PIK3R5: variants seen among roughly 807,000 people sequenced by gnomAD.
The protein encoded by PIK3R5 is phosphoinositide 3-kinase regulatory subunit 5.
PIK3R5 carries 32 observed loss-of-function variants against 94.9 expected under a neutral mutation model. The ratio of observed to expected loss-of-function variants is 0.34; its 90% confidence interval spans 0.25 to 0.45. The LOEUF (loss-of-function observed/expected upper bound fraction) is 0.45. Ranked by LOEUF, PIK3R5 falls within the 20% of genes least tolerant of loss-of-function variation. The pLI, the probability that PIK3R5 is intolerant of heterozygous loss-of-function variation, is 1.00. For missense variants in PIK3R5, 853 were observed against 1,144.6 expected, an observed-to-expected ratio of 0.75 and a Z score of 3.68; for synonymous variants, 443 against 479.4, an observed-to-expected ratio of 0.92 and a Z score of 0.99.
At chr17:8,885,953 G>A (rs1365314388) in intron 14 of PIK3R5, among the ~76,000 whole-genome samples, 2 of 148,674 alleles carry the variant, frequency 1.3e-5, no homozygotes, top group African/African-American at 5.0e-5. Flanking sequence ...CTGCCTCCTA[G>A]GTAACCCCGC....
At chr17:8,895,197 C>G (rs549100038) in intron 5 of PIK3R5, among the ~76,000 whole-genome samples, 48 of 152,304 alleles carry the variant, frequency 3.2e-4, no homozygotes, top group African/African-American at 1.1e-3. Flanking sequence ...AATACCATAG[C>G]TACCATAGCG....
chr17:8,905,685 T>C lies in PIK3R5; in HGVS notation c.257A>G (p.Tyr86Cys). ...DLLTPLALLF[Y>C]STVLCTPHFP... ...TGGACTTACACAAAGAACAGTGGAATAGAAGAGCAGGGCCAGCGGGGTGAG... is the reference window on the plus strand; with the variant it reads ...TGGACTTACACAAAGAACAGTGGAACAGAAGAGCAGGGCCAGCGGGGTGAG... Residue 86 changes from tyrosine (Y) to cysteine (C), a missense_variant, in exon 4 of 19, where the codon TAT becomes TGT. Coordinates refer to ENST00000447110, the MANE Select transcript of PIK3R5 (RefSeq NM_001142633.3). 2 of 1,605,664 alleles carry C rather than the reference T, an allele frequency of 1.2e-6. No homozygotes were observed. The highest frequency in any genetic ancestry group is 1.7e-6 in the Non-Finnish European group (2 of 1,176,172).
chr17:8,951,338 C>T (rs947369508), intron 1 of PIK3R5, among the ~76,000 whole-genome samples: 8 of 152,210 alleles, frequency 5.3e-5, no homozygotes, highest in Admixed American at 1.3e-4. Context: ...ACCATCCCCA[C>T]CATCCATTCA....
intron 1 of PIK3R5, among the ~76,000 whole-genome samples, chr17:8,934,271 A>G (rs776885339): frequency 2.0e-5 from 3 of 152,264 alleles, no homozygotes; most frequent in Non-Finnish European, 2.9e-5. Flanking sequence ...TTGTACTTCT[A>G]CATATTAATA....
intron 1 of PIK3R5, among the ~76,000 whole-genome samples, chr17:8,965,219 G>A (rs2091647384): frequency 6.6e-6 from 1 of 152,230 alleles, no homozygotes. Flanking sequence ...GAGCCCTGAT[G>A]CCCACGCTCA....
chr17:8,886,406 C>T, intron 13 of PIK3R5, 71 bp downstream of exon 13: 1 of 1,602,712 alleles, frequency 6.2e-7, no homozygotes, highest in Non-Finnish European at 8.5e-7. Context: ...TGCTGGCTCT[C>T]CCGGGGCAGG....
chr17:8,929,512 C>T (rs893625272), intron 1 of PIK3R5, among the ~76,000 whole-genome samples: 1 of 152,108 alleles, frequency 6.6e-6, no homozygotes, highest in African/African-American at 2.4e-5. Flanking sequence ...ACACAGCAAA[C>T]CTAAATGTGT....
chr17:8,925,384 T>TAGATAGTAGATGGAG lies in PIK3R5; in HGVS notation c.-13-13892_-13-13878dup, dbSNP rs1309447173. On this transcript the variant is annotated intron_variant, in intron 1 of 18. Coordinates refer to ENST00000447110, the MANE Select transcript of PIK3R5 (RefSeq NM_001142633.3). This position sits in a 1 kb window ranked among gnomAD's most constrained non-coding sequence, Gnocchi z 5.1. ...GATAGATAGTAGATGGATAGATAGA[T>TAGATAGTAGATGGAG]AGATAGTAGATGGAGAGATAGTAGA... Among the ~76,000 whole-genome samples, 2 of 150,386 alleles carry TAGATAGTAGATGGAG rather than the reference T, an allele frequency of 1.3e-5. No homozygotes were observed. Among genetic ancestry groups the TAGATAGTAGATGGAG allele is most frequent in the African/African-American group, 4.9e-5 (2 of 40,662 alleles).
At position 8,934,583 on chromosome 17, in the gene PIK3R5, C is replaced by T. The variant is rs955509669; in HGVS notation, c.-13-23076G>A. On this transcript the variant is annotated intron_variant, in intron 1 of 18. Transcript: ENST00000447110. Reference sequence around the variant, plus strand: ...AACATGCCTTCGGTATATGGAAATACCAAAGACTTAAAATAGCTAATACAG... The same window carrying T: ...AACATGCCTTCGGTATATGGAAATATCAAAGACTTAAAATAGCTAATACAG... Among the ~76,000 whole-genome samples, 10 of 152,196 alleles carry T rather than the reference C, an allele frequency of 6.6e-5. No individual in the cohort carries two copies. The Middle Eastern group carries it at 0.01, about 155-fold the overall frequency.
chr17:8,933,943 T>G (rs1004611060), intron 1 of PIK3R5, among the ~76,000 whole-genome samples: 3 of 152,238 alleles, frequency 2.0e-5, no homozygotes, highest in African/African-American at 7.2e-5. Context: ...AAGAGGGAAC[T>G]GCTCAAACTT....
intron 5 of PIK3R5, among the ~76,000 whole-genome samples, chr17:8,894,411 C>G (rs369322398): frequency 1.3e-5 from 2 of 152,114 alleles, no homozygotes; most frequent in Non-Finnish European, 2.9e-5. Flanking sequence ...TTCGAGTTTC[C>G]CCACCTGCAC....
Position 8,893,986 on chromosome 17 carries a change from T to A in PIK3R5, c.413-331A>T. 4.9e-6 allele frequency: 1 copy of A among 205,054 alleles called. No homozygotes were observed. Among genetic ancestry groups the A allele is most frequent in the Non-Finnish European group, 1.0e-5 (1 of 100,150 alleles). The allele number at this position is 205,054 out of a possible 1,614,324, so 12.7% of individuals were successfully genotyped here. The stretch of plus-strand genomic sequence containing the variant: ...CTCCCCTTGTGGCTCAGGTCCCGGC[T>A]CCAGGCTTGGAGGCAGCCTAGCTGG... On this transcript the variant is annotated intron_variant, in intron 5 of 18. Transcript: ENST00000447110. This position sits in a 1 kb window ranked among gnomAD's most constrained non-coding sequence, Gnocchi z 5.1.
intron 1 of PIK3R5, among the ~76,000 whole-genome samples, chr17:8,958,718 A>T (rs1165191546): frequency 6.6e-6 from 1 of 151,116 alleles, no homozygotes; most frequent in Non-Finnish European, 1.5e-5. Flanking sequence ...GACTGTTTAT[A>T]TTCATGTGTG....
In PIK3R5 at chr17:8,892,339, A is replaced by G. The variant is rs1031959802; in HGVS notation, c.482+1247T>C. Among the ~76,000 whole-genome samples, 9 of 152,194 alleles carry G rather than the reference A, an allele frequency of 5.9e-5. No individual in the cohort carries two copies. The highest frequency in any genetic ancestry group is 5.9e-4 in the Admixed American group (9 of 15,276). On this transcript the variant is annotated intron_variant, in intron 6 of 18. Transcript: ENST00000447110. This position sits in a 1 kb window ranked among gnomAD's most constrained non-coding sequence, Gnocchi z 4.3. ...CCCCTTACAACCTTGTAACGAGCCC[A>G]GCCGAGCCCCTGCCCTCACCAGCTT...
In PIK3R5 at chr17:8,892,844, C is replaced by T. The variant is rs905340041; in HGVS notation, c.482+742G>A. On this transcript the variant is annotated intron_variant, in intron 6 of 18. Transcript: ENST00000447110. This position sits in a 1 kb window ranked among gnomAD's most constrained non-coding sequence, Gnocchi z 4.3. The stretch of plus-strand genomic sequence containing the variant: ...AAGGCCGGGGTCCCTGGGCTCCCAA[C>T]ATGTCAAGGTGAGACAGCACCCAAC... Among the ~76,000 whole-genome samples, 2 of 152,296 alleles carry T rather than the reference C, an allele frequency of 1.3e-5. No homozygotes were observed. The highest frequency in any genetic ancestry group is 4.8e-5 in the African/African-American group (2 of 41,554).
rs1420441060 is a variant in PIK3R5, at chr17:8,886,662, A to G, written c.1906-57T>C. 7.2e-6 allele frequency: 11 copies of G among 1,519,434 alleles called. No individual in the cohort carries two copies. In the South Asian group the frequency reaches 1.4e-4, roughly 20 times the overall value. 94.1% of individuals were successfully genotyped at this position (1,519,434 alleles called of 1,614,324 possible). On this transcript the variant is annotated intron_variant, in intron 12 of 18. Transcript: ENST00000447110. ...GATGGGTGGGTGGATAGATGGTAAG[A>G]AGGAGCAAGAATTAGGGAGGAAGAG...
rs2089762538 is a variant in PIK3R5 at position 8,884,540 on chromosome 17, C to T, written c.2205+167G>A. Among the ~76,000 whole-genome samples the T allele has an allele frequency of 6.6e-6, 1 of 152,144 alleles. No individual in the cohort carries two copies. Among genetic ancestry groups the T allele is most frequent in the South Asian group, 2.1e-4 (1 of 4,836 alleles). On this transcript the variant is annotated intron_variant, in intron 15 of 18. Transcript: ENST00000447110. This position sits in a 1 kb window ranked among gnomAD's most constrained non-coding sequence, Gnocchi z 5.8. Reference sequence around the variant, plus strand: ...AGGCCAAGAAGCACAGAGATATCCACTCCTTCCCTTCTCTGCTTCTCTCAG... The same window carrying T: ...AGGCCAAGAAGCACAGAGATATCCATTCCTTCCCTTCTCTGCTTCTCTCAG...
chr17:8,901,434 C>T (rs372402111), intron 5 of PIK3R5, among the ~76,000 whole-genome samples: 5 of 151,982 alleles, frequency 3.3e-5, no homozygotes, highest in Non-Finnish European at 5.9e-5. Flanking sequence ...GCTGATTGGG[C>T]GAGGCACAGA....
chr17:8,963,797 G>T (rs1461640743), intron 1 of PIK3R5, among the ~76,000 whole-genome samples: 1 of 152,058 alleles, frequency 6.6e-6, no homozygotes, highest in East Asian at 1.9e-4. Context: ...CATCCCTCTC[G>T]TAAGCTAGAG....
Sources: gnomAD v4.1 joint callset for allele counts (sites outside exome capture counted in the v4.1 genomes callset) on GRCh38, gnomAD v4.1.1 for gene constraint, Gnocchi (gnomAD v3.1) non-coding constraint, MANE v1.5 for transcripts, NCBI Gene and HGNC (gene_info 2026-07-23, HGNC 2026-07-21) for gene names.